The following VSTM2L variants were observed in gnomAD, a reference collection of about 807,000 sequenced individuals.
VSTM2L encodes the protein V-set and transmembrane domain-containing protein 2-like protein.
Under a neutral mutation model 19.9 loss-of-function variants are expected in VSTM2L, and 9 were observed. That is an observed-to-expected ratio of 0.45 (90% CI 0.27 to 0.79). The LOEUF (loss-of-function observed/expected upper bound fraction) is 0.79, where lower values mean the gene tolerates loss of function less well. Ranked by LOEUF, VSTM2L falls within the 30% of genes least tolerant of loss-of-function variation. VSTM2L has a pLI of 0.15. For missense variants in VSTM2L, 286 were observed against 295.5 expected, an observed-to-expected ratio of 0.97 and a Z score of 0.24; for synonymous variants, 127 against 133.8, an observed-to-expected ratio of 0.95 and a Z score of 0.35.
In VSTM2L at chr20:37,933,612, C is replaced by T. The variant is rs150603118; in HGVS notation, c.342+23C>T. The T allele has an allele frequency of 1.6e-3, 2,577 of 1,613,150 alleles. 8 individuals carry two copies. Among genetic ancestry groups the T allele is most frequent in the East Asian group, 6.4e-3 (288 of 44,864 alleles). ...AGTGTGAGTTTTGATAATGACTTCT[C>T]GAAAGGGCTCTAATGGAGGGCACAG... is the stretch of plus-strand genomic sequence containing the variant. On this transcript the variant is annotated intron_variant, in intron 3 of 3. Transcript: ENST00000373461.
intron 1 of VSTM2L, among the ~76,000 whole-genome samples, chr20:37,923,800 G>A (rs1026421010): frequency 4.6e-5 from 7 of 152,132 alleles, no homozygotes; most frequent in Admixed American, 3.3e-4. Context: ...CTAGAACTGG[G>A]TTCAGTTTCA....
At chr20:37,943,386 G>A (rs562349928) in intron 3 of VSTM2L, among the ~76,000 whole-genome samples, 6 of 150,938 alleles carry the variant, frequency 4.0e-5, no homozygotes, top group South Asian at 4.2e-4. Flanking sequence ...AACAGTCCTC[G>A]CACCTCAGTC....
chr20:37,932,592 G>T (rs1320805499), intron 2 of VSTM2L, among the ~76,000 whole-genome samples: 1 of 152,132 alleles, frequency 6.6e-6, no homozygotes, highest in Non-Finnish European at 1.5e-5. Flanking sequence ...CAAGTGCCCA[G>T]TGGGACGAAG....
At chr20:37,943,430 T>C (rs1368463820) in intron 3 of VSTM2L, among the ~76,000 whole-genome samples, 1 of 106,192 alleles carries the variant, frequency 9.4e-6, no homozygotes, top group Non-Finnish European at 2.0e-5. Flanking sequence ...CGCCTCTATT[T>C]TTTTTTTTTT....
intron 1 of VSTM2L, among the ~76,000 whole-genome samples, chr20:37,927,939 G>T (rs1376248315): frequency 6.6e-6 from 1 of 152,208 alleles, no homozygotes; most frequent in African/African-American, 2.4e-5. Flanking sequence ...CTGGGTCCGA[G>T]GGCTGGCTTC....
At chr20:37,936,567 C>T (rs2072941483) in intron 3 of VSTM2L, among the ~76,000 whole-genome samples, 1 of 152,130 alleles carries the variant, frequency 6.6e-6, no homozygotes, top group South Asian at 2.1e-4. Context: ...CTTCCAGGGG[C>T]TTGGTGCGGG....
chr20:37,931,613 C>T lies in VSTM2L; in HGVS notation c.122-22C>T, dbSNP rs1181385878. 4 of 1,601,022 alleles carry T rather than the reference C, an allele frequency of 2.5e-6. No homozygotes were observed. The African/African-American group carries it at 5.3e-5, about 21-fold the overall frequency. ...CCGTGGTTTCCTGAGCCCCGCCATT[C>T]TTCCCCCTGTTTCTTGCACAGCCCT... On this transcript the variant is annotated intron_variant, in intron 1 of 3. Coordinates refer to ENST00000373461, the MANE Select transcript of VSTM2L (RefSeq NM_080607.3).
rs2073001132 is a variant in VSTM2L at position 37,945,105 on chromosome 20, G to A, written c.*852G>A. 1 of 985,800 alleles carries A rather than the reference G, an allele frequency of 1.0e-6. No individual in the cohort carries two copies. Among genetic ancestry groups the A allele is most frequent in the African/African-American group, 1.7e-5 (1 of 57,342 alleles). 61.1% of individuals were successfully genotyped at this position (985,800 alleles called of 1,614,324 possible). On this transcript the variant is annotated 3_prime_UTR_variant, in exon 4 of 4. Coordinates refer to ENST00000373461, the MANE Select transcript of VSTM2L (RefSeq NM_080607.3). ...AGGGCCTGGGGCTGTTGGGAGCCAA[G>A]GGCCCCCTGGTACTCAGTTCCCTCA...
intron 1 of VSTM2L, among the ~76,000 whole-genome samples, chr20:37,914,136 A>G (rs1191528077): frequency 6.6e-6 from 1 of 150,720 alleles, no homozygotes; most frequent in Non-Finnish European, 1.5e-5. Context: ...TGCGCGCACG[A>G]ATGTGTGTGT....
At chr20:37,918,618 G>T (rs1220077390) in intron 1 of VSTM2L, among the ~76,000 whole-genome samples, 2 of 152,194 alleles carry the variant, frequency 1.3e-5, no homozygotes, top group African/African-American at 4.8e-5. Flanking sequence ...AGTAAAAGGG[G>T]AAAGATGCTT....
At chr20:37,936,130 A>G (rs1017427682) in intron 3 of VSTM2L, among the ~76,000 whole-genome samples, 5 of 151,012 alleles carry the variant, frequency 3.3e-5, no homozygotes, top group Admixed American at 3.3e-4. Context: ...TACTGACCTC[A>G]GGTGATCCTC....
chr20:37,941,721 A>T (rs372654982), intron 3 of VSTM2L, among the ~76,000 whole-genome samples: 5 of 152,090 alleles, frequency 3.3e-5, no homozygotes, highest in African/African-American at 9.7e-5. Context: ...ACCTGAGCCT[A>T]CAAAGCTGTC....
chr20:37,931,681 G>A lies in VSTM2L; in HGVS notation c.168G>A (p.Glu56=). The change falls in exon 2 of 4, where the codon GAG becomes GAA. Residue 56 remains glutamate, a synonymous_variant. Coordinates refer to ENST00000373461, the MANE Select transcript of VSTM2L (RefSeq NM_080607.3). ...TPHDMTARTG[E]DVEMACSFRG... is the part of the protein sequence containing the mutation. ...ATGACATGACAGCACGGACGGGCGA[G>A]GACGTGGAGATGGCCTGCTCCTTCC... The A allele has an allele frequency of 3.1e-6, 5 of 1,613,578 alleles. No homozygotes were observed. The highest frequency in any genetic ancestry group is 3.4e-6 in the Non-Finnish European group (4 of 1,180,022).
chr20:37,916,498 A>G (rs1227784284), intron 1 of VSTM2L, among the ~76,000 whole-genome samples: 1 of 152,234 alleles, frequency 6.6e-6, no homozygotes. Flanking sequence ...CTAGATTTGT[A>G]ATTCTACTGC....
intron 3 of VSTM2L, among the ~76,000 whole-genome samples, chr20:37,940,555 C>T (rs1187228471): frequency 1.3e-5 from 2 of 152,224 alleles, no homozygotes; most frequent in Non-Finnish European, 2.9e-5. Flanking sequence ...AGGGTGAGAG[C>T]GCATGGAGCC....
At chr20:37,933,868 AGC>A (rs2072924740) in intron 3 of VSTM2L, among the ~76,000 whole-genome samples, 1 of 152,200 alleles carries the variant, frequency 6.6e-6, no homozygotes, top group Non-Finnish European at 1.5e-5. Context: ...TTGTCTCAGC[AGC>A]ATTTTTTATT....
chr20:37,929,845 C>G (rs1165304170), intron 1 of VSTM2L, among the ~76,000 whole-genome samples: 1 of 152,004 alleles, frequency 6.6e-6, no homozygotes, highest in African/African-American at 2.4e-5. Flanking sequence ...CTGGGTTGAT[C>G]CCCTGGAAGG....
intron 3 of VSTM2L, among the ~76,000 whole-genome samples, chr20:37,935,651 C>T (rs1600573742): frequency 6.6e-6 from 1 of 152,238 alleles, no homozygotes; most frequent in Admixed American, 6.5e-5. Flanking sequence ...TCCCATTTCC[C>T]TGCTGGCTGT....
In VSTM2L at chr20:37,944,432, C is replaced by G; in HGVS notation, c.*179C>G. ...GCTCAGCATGTAAGCCCCACCCACC[C>G]CTGCCCTTTCAGACCCCTGCGGTGA... On this transcript the variant is annotated 3_prime_UTR_variant, in exon 4 of 4. Transcript: ENST00000373461. 1 of 1,178,772 alleles carries G rather than the reference C, an allele frequency of 8.5e-7. No homozygotes were observed. The highest frequency in any genetic ancestry group is 2.6e-5 in the South Asian group (1 of 38,186). The allele number at this position is 1,178,772 out of a possible 1,614,324, so 73.0% of individuals were successfully genotyped here. A position where few individuals can be genotyped will look rare whatever the true frequency, so the allele number is the denominator to read the frequency against.
Sources: allele counts gnomAD v4.1 joint callset (sites outside exome capture counted in the v4.1 genomes callset), GRCh38; gene constraint gnomAD v4.1.1; transcripts MANE v1.5; gene names NCBI Gene and HGNC (gene_info 2026-07-23, HGNC 2026-07-21).